Variants in AGK observed in about 807,000 individuals in gnomAD.
The protein encoded by AGK is acylglycerol kinase, also known as acylglycerol kinase, mitochondrial.
A neutral mutation model predicts 66.4 loss-of-function variants in AGK; 52 were observed. The ratio of observed to expected loss-of-function variants is 0.78; its 90% CI spans 0.63 to 0.99. The LOEUF is 0.99. Ranked by LOEUF, AGK falls within the 50% of genes least tolerant of loss-of-function variation. The pLI, the probability that AGK is intolerant of heterozygous loss-of-function variation, is 0.00. For synonymous variants in AGK, 182 were observed against 181.1 expected (o/e 1.00, Z -0.04); for missense variants, 451 against 506.6 (o/e 0.89, Z 1.05).
chr7:141,589,280 G>T (rs1355562511), intron 2 of AGK, among the ~76,000 whole-genome samples: 1 of 152,174 alleles, frequency 6.6e-6, no homozygotes, highest in South Asian at 2.1e-4. Context: ...TTGTTACAAA[G>T]ATTAAAGGTT....
intron 5 of AGK, among the ~76,000 whole-genome samples, chr7:141,606,150 TTGAGAATCATAGAC>T (rs1796456410): frequency 6.6e-6 from 1 of 152,200 alleles, no homozygotes; most frequent in Non-Finnish European, 1.5e-5. Flanking sequence ...TGTAGTTGGA[TTGAGAATCATAGAC>T]TTCAGGCTTG....
chr7:141,578,542 C>T (rs1251633340), intron 2 of AGK, among the ~76,000 whole-genome samples: 4 of 151,518 alleles, frequency 2.6e-5, no homozygotes, highest in Non-Finnish European at 5.9e-5. Context: ...GGCAGCAAAA[C>T]TTTTTTGGGG....
intron 2 of AGK, among the ~76,000 whole-genome samples, chr7:141,588,926 G>A (rs536771926): frequency 1.8e-4 from 28 of 152,192 alleles, no homozygotes; most frequent in Non-Finnish European, 3.4e-4. Context: ...GAGGACACTA[G>A]AGATCACTCT....
At position 141,648,979 on chromosome 7, in the gene AGK, G is replaced by A. The variant is rs145592420; in HGVS notation, c.976-284G>A. Among the ~76,000 whole-genome samples, 507 of 151,356 alleles carry A rather than the reference G, an allele frequency of 3.3e-3. 1 individual carries two copies. Among genetic ancestry groups the A allele is most frequent in the Non-Finnish European group, 5.8e-3 (396 of 67,966 alleles). On this transcript the variant is annotated intron_variant, in intron 13 of 15. Coordinates refer to ENST00000649286, the MANE Select transcript of AGK (RefSeq NM_018238.4). ...TAGAACGGCTAATAATTACTAGTGA[G>A]TGACAGAACGTCCAGAACCTCCCAC...
rs1455680507 is a variant in AGK at position 141,596,459 on chromosome 7, A to T, written c.142-103A>T. On this transcript the variant is annotated intron_variant, in intron 3 of 15. Transcript: ENST00000649286. ...AGAATATTTTTCCCCAAGGGTAGAT[A>T]CCTTATGTGCTGCAAGTACATTTTT... 5 of 972,504 alleles carry T rather than the reference A, an allele frequency of 5.1e-6. No individual in the cohort carries two copies. In the African/African-American group the frequency reaches 8.1e-5, roughly 16 times the overall value. 60.2% of individuals were successfully genotyped at this position (972,504 alleles called of 1,614,324 possible).
chr7:141,602,835 A>G (rs1796374477), intron 5 of AGK, among the ~76,000 whole-genome samples: 1 of 151,888 alleles, frequency 6.6e-6, no homozygotes, highest in South Asian at 2.1e-4. Flanking sequence ...GCTGCATCCT[A>G]TACTTTTTGA....
At position 141,654,089 on chromosome 7, in the gene AGK, A is replaced by ATCAT. The variant is rs1797630127; in HGVS notation, c.*1169_*1172dup. ...AATCTATTATGCCCGACATCTTTTA[A>ATCAT]TCATTCACCCCATTACTTCTTGTCA... On this transcript the variant is annotated 3_prime_UTR_variant, in exon 16 of 16. Transcript: ENST00000649286. 6.6e-6 allele frequency: 1 copy of ATCAT among 152,160 alleles called. No individual in the cohort carries two copies. The highest frequency in any genetic ancestry group is 2.4e-5 in the African/African-American group (1 of 41,442). The allele number at this position is 152,160 out of a possible 1,614,324, so 9.4% of individuals were successfully genotyped here.
chr7:141,588,211 A>G (rs1796032713), intron 2 of AGK, among the ~76,000 whole-genome samples: 1 of 152,240 alleles, frequency 6.6e-6, no homozygotes, highest in Non-Finnish European at 1.5e-5. Context: ...AAGAAAAAGC[A>G]TCTGCTTTCC....
intron 2 of AGK, among the ~76,000 whole-genome samples, chr7:141,568,266 C>T (rs1437792928): frequency 6.6e-6 from 1 of 152,164 alleles, no homozygotes; most frequent in Admixed American, 6.5e-5. Context: ...AGAGGCCTGC[C>T]ATACATGGTT....
chr7:141,615,633 A>G, intron 8 of AGK, 68 bp downstream of exon 8: 1 of 1,228,718 alleles, frequency 8.1e-7, no homozygotes, highest in South Asian at 1.2e-5. Flanking sequence ...ATTTATGTGT[A>G]TGCTATAACT....
In AGK at chr7:141,633,978, C is replaced by G; in HGVS notation, c.666C>G (p.Ser222Arg). 1 of 1,612,558 alleles carries G rather than the reference C, an allele frequency of 6.2e-7. No individual in the cohort carries two copies. Among genetic ancestry groups the G allele is most frequent in the East Asian group, 2.2e-5 (1 of 44,876 alleles). Residue 222 changes from serine (S) to arginine (R), a missense_variant and splice_region_variant, in exon 10 of 16, where the codon AGC (serine) becomes AGG (arginine). Coordinates refer to ENST00000649286, the MANE Select transcript of AGK (RefSeq NM_018238.4). ...TCAGAGATGCTGGCGTCAAAGTTAG[C>G]AAGTAAAGGATTACTATATTGATGT... ...GSFRDAGVKV[S>R]KYWYLGPLKI...
In AGK at chr7:141,634,035, C is replaced by CCTG. The variant is rs2116998771; in HGVS notation, c.668+57_668+59dup. The CCTG allele has an allele frequency of 1.1e-5, 16 of 1,460,978 alleles. No individual in the cohort carries two copies. The South Asian group carries it at 1.8e-4, about 17-fold the overall frequency. The allele number at this position is 1,460,978 out of a possible 1,614,324, so 90.5% of individuals were successfully genotyped here. A position where few individuals can be genotyped will look rare whatever the true frequency, so the allele number is the denominator to read the frequency against. ...TTTTTTAAAAAAATCTTATTCTGTC[C>CCTG]CTGCCTTTCAGGTTTTAATTCACAG... is the stretch of plus-strand genomic sequence containing the variant. On this transcript the variant is annotated intron_variant, in intron 10 of 15. Coordinates refer to ENST00000649286, the MANE Select transcript of AGK (RefSeq NM_018238.4).
intron 13 of AGK, among the ~76,000 whole-genome samples, chr7:141,644,842 C>T (rs1267326024): frequency 6.6e-6 from 1 of 152,090 alleles, no homozygotes; most frequent in Non-Finnish European, 1.5e-5. Context: ...TTATTGAAAT[C>T]TCCATTTTCC....
At chr7:141,575,565 G>C (rs1280372411) in intron 2 of AGK, among the ~76,000 whole-genome samples, 1 of 151,016 alleles carries the variant, frequency 6.6e-6, no homozygotes, top group African/African-American at 2.4e-5. Context: ...GACAAGCATT[G>C]GACTAGATAA....
intron 14 of AGK, among the ~76,000 whole-genome samples, chr7:141,650,978 G>C (rs1050472319): frequency 6.6e-6 from 1 of 152,152 alleles, no homozygotes; most frequent in South Asian, 2.1e-4. Flanking sequence ...TAGTCTGTAC[G>C]GATTCAGTAC....
At chr7:141,638,332 G>A (rs1401787161) in intron 11 of AGK, among the ~76,000 whole-genome samples, 2 of 152,150 alleles carry the variant, frequency 1.3e-5, no homozygotes, top group Non-Finnish European at 2.9e-5. Flanking sequence ...TCACAGTGGT[G>A]TGACATGGCC....
At chr7:141,553,095 G>A (rs1423013930) in intron 1 of AGK, among the ~76,000 whole-genome samples, 1 of 152,188 alleles carries the variant, frequency 6.6e-6, no homozygotes. Flanking sequence ...AAGTTAAGGT[G>A]CCAGCATGGT....
In AGK at chr7:141,654,104, ACTT is replaced by A. The variant is rs1362311252; in HGVS notation, c.*1184_*1186del. The A allele has an allele frequency of 1.3e-5, 2 of 151,846 alleles. No individual in the cohort carries two copies. The highest frequency in any genetic ancestry group is 2.9e-5 in the Non-Finnish European group (2 of 67,948). The allele number at this position is 151,846 out of a possible 1,614,324, so 9.4% of individuals were successfully genotyped here. On this transcript the variant is annotated 3_prime_UTR_variant, in exon 16 of 16. Coordinates refer to ENST00000649286, the MANE Select transcript of AGK (RefSeq NM_018238.4). Reference sequence around the variant, plus strand: ...ACATCTTTTAATCATTCACCCCATTACTTCTTGTCAACAAAAAATATAAATGGA... The same window carrying A: ...ACATCTTTTAATCATTCACCCCATTACTTGTCAACAAAAAATATAAATGGA...
intron 4 of AGK, among the ~76,000 whole-genome samples, chr7:141,600,725 G>A (rs1796322956): frequency 6.6e-6 from 1 of 152,200 alleles, no homozygotes; most frequent in African/African-American, 2.4e-5. Flanking sequence ...ATGTGTATAA[G>A]GTACTAGGGG....
Sources: allele counts gnomAD v4.1 joint callset (sites outside exome capture counted in the v4.1 genomes callset), GRCh38; gene constraint gnomAD v4.1.1; transcripts MANE v1.5; gene names NCBI Gene and HGNC (gene_info 2026-07-23, HGNC 2026-07-21).